The following GPC6 variants were observed in gnomAD, a reference collection of about 807,000 sequenced individuals.
GPC6 encodes the protein glypican 6.
In GPC6, 14 loss-of-function variants were observed where a neutral mutation model predicts 55.2. The observed-to-expected ratio is 0.25, with a 90% CI of 0.17 to 0.40. The LOEUF is 0.40. Among genes scored for constraint, GPC6 ranks in the 10% least tolerant of loss-of-function variants. The pLI, the probability that GPC6 is intolerant of heterozygous loss-of-function variation, is 1.00. For synonymous variants in GPC6, 278 were observed against 259.6 expected (o/e 1.07, Z -0.68); for missense variants, 641 against 708.5 (o/e 0.90, Z 1.08).
intron 2 of GPC6, among the ~76,000 whole-genome samples, chr13:93,740,356 T>C (rs1233314987): frequency 6.6e-6 from 1 of 152,212 alleles, no homozygotes; most frequent in Non-Finnish European, 1.5e-5. Context: ...ATTATTTACT[T>C]TAGAAACATT....
chr13:94,315,305 C>A (rs1258937195), intron 6 of GPC6, among the ~76,000 whole-genome samples: 1 of 152,194 alleles, frequency 6.6e-6, no homozygotes, highest in Non-Finnish European at 1.5e-5. Flanking sequence ...AAACAGTCCC[C>A]AAAATGGCCC....
intron 6 of GPC6, among the ~76,000 whole-genome samples, chr13:94,319,246 A>T (rs148820027): frequency 6.6e-6 from 1 of 152,034 alleles, no homozygotes; most frequent in South Asian, 2.1e-4. Flanking sequence ...TCTTCTAATA[A>T]TTACCCTTGA....
intron 1 of GPC6, among the ~76,000 whole-genome samples, chr13:93,475,984 A>G (rs1879289211): frequency 1.3e-5 from 2 of 151,932 alleles, no homozygotes; most frequent in Non-Finnish European, 2.9e-5. Context: ...ATGAGAGAGT[A>G]TTCCCTGTTC....
At chr13:93,967,940 A>G (rs934425342) in intron 3 of GPC6, among the ~76,000 whole-genome samples, 1 of 152,176 alleles carries the variant, frequency 6.6e-6, no homozygotes, top group African/African-American at 2.4e-5. Context: ...ATAATCTAAT[A>G]GGTAATCCCG....
intron 4 of GPC6, among the ~76,000 whole-genome samples, chr13:94,163,821 G>C (rs1270410105): frequency 6.6e-6 from 1 of 152,060 alleles, no homozygotes; most frequent in Non-Finnish European, 1.5e-5. Flanking sequence ...GCAGGATTTA[G>C]GACACTTGGA....
chr13:93,834,499 G>A lies in GPC6; in HGVS notation c.711+3954G>A, dbSNP rs540099089. ...TTACCTCTGGAGATGCAGTTTGGAG[G>A]TAAGATGAAGGAGGGATACATAGAG... is the stretch of plus-strand genomic sequence containing the variant. On this transcript the variant is annotated intron_variant, in intron 3 of 8. Transcript: ENST00000377047. 8.5e-5 allele frequency among the ~76,000 whole-genome samples: 13 copies of A among 152,274 alleles called. No homozygotes were observed. The South Asian group carries it at 2.5e-3, about 29-fold the overall frequency.
intron 1 of GPC6, among the ~76,000 whole-genome samples, chr13:93,428,054 T>A (rs2147155): frequency 6.6e-6 from 1 of 151,970 alleles, no homozygotes; most frequent in South Asian, 2.1e-4. Context: ...CAAACTCAAT[T>A]AGCTATATTC....
intron 4 of GPC6, among the ~76,000 whole-genome samples, chr13:94,097,241 G>A (rs1885694351): frequency 6.6e-6 from 1 of 152,052 alleles, no homozygotes; most frequent in African/African-American, 2.4e-5. Flanking sequence ...GGTGGCTCAG[G>A]CCTGTAATCC....
intron 3 of GPC6, among the ~76,000 whole-genome samples, chr13:93,946,205 C>T (rs890732601): frequency 9.2e-5 from 14 of 152,198 alleles, no homozygotes; most frequent in African/African-American, 2.9e-4. Flanking sequence ...GTTGTATTTC[C>T]GCTATAGAGA....
At chr13:94,212,310 A>G (rs538100097) in intron 4 of GPC6, among the ~76,000 whole-genome samples, 1 of 152,284 alleles carries the variant, frequency 6.6e-6, no homozygotes, top group East Asian at 1.9e-4. Flanking sequence ...AAAGCAATCA[A>G]CCCCTAGCCA....
intron 1 of GPC6, among the ~76,000 whole-genome samples, chr13:93,294,345 A>G (rs1262819564): frequency 6.6e-6 from 1 of 152,156 alleles, no homozygotes; most frequent in African/African-American, 2.4e-5. Context: ...AATATCTTTG[A>G]TACATGGATT....
At chr13:93,334,485 C>G (rs1879975462) in intron 1 of GPC6, among the ~76,000 whole-genome samples, 6 of 152,216 alleles carry the variant, frequency 3.9e-5, no homozygotes, top group Admixed American at 3.3e-4. Context: ...TTTTTTGAGA[C>G]AGAGTCTCAC....
In GPC6 at chr13:93,919,260, A is replaced by G. The variant is rs573432357; in HGVS notation, c.711+88715A>G. 6.6e-5 allele frequency among the ~76,000 whole-genome samples: 10 copies of G among 152,312 alleles called. No individual in the cohort carries two copies. In the South Asian group the frequency reaches 8.3e-4, roughly 13 times the overall value. On this transcript the variant is annotated intron_variant, in intron 3 of 8. Transcript: ENST00000377047. ...AACCCCTTTGCTTTATAAATTACCC[A>G]GTCTCAGATATTTCTTTATAGCAGC... is the stretch of plus-strand genomic sequence containing the variant.
At chr13:94,128,347 T>C (rs1886894727) in intron 4 of GPC6, among the ~76,000 whole-genome samples, 1 of 152,132 alleles carries the variant, frequency 6.6e-6, no homozygotes, top group Non-Finnish European at 1.5e-5. Context: ...TACTTTTTAA[T>C]AGAGAGCACA....
chr13:93,254,479 G>T (rs1158978136), intron 1 of GPC6, among the ~76,000 whole-genome samples: 2 of 152,126 alleles, frequency 1.3e-5, no homozygotes, highest in African/African-American at 4.8e-5. Flanking sequence ...TAGAACAATT[G>T]TTTCATGAAT....
chr13:94,063,749 T>C (rs914689275), intron 4 of GPC6, among the ~76,000 whole-genome samples: 1 of 152,194 alleles, frequency 6.6e-6, no homozygotes, highest in Non-Finnish European at 1.5e-5. Flanking sequence ...GAGGGGTGAC[T>C]CTGAAATTGT....
chr13:94,344,380 G>C (rs9301953), intron 6 of GPC6, among the ~76,000 whole-genome samples: 47,642 of 152,158 alleles, frequency 0.31, 8,023 homozygotes, highest in East Asian at 0.53. Context: ...ACCAAGGAAG[G>C]AGTCTTCCAC....
chr13:93,387,628 G>T (rs1410014733), intron 1 of GPC6, among the ~76,000 whole-genome samples: 2 of 152,168 alleles, frequency 1.3e-5, no homozygotes, highest in Non-Finnish European at 2.9e-5. Flanking sequence ...TGATTCATAG[G>T]ATTGTCAGAA....
At chr13:93,539,000 A>G (rs779179812) in intron 1 of GPC6, among the ~76,000 whole-genome samples, 2 of 151,736 alleles carry the variant, frequency 1.3e-5, no homozygotes, top group Non-Finnish European at 2.9e-5. Flanking sequence ...ACATATGTAT[A>G]CATGTGCCAT....
Sources: allele counts gnomAD v4.1 joint callset (sites outside exome capture counted in the v4.1 genomes callset), GRCh38; gene constraint gnomAD v4.1.1; transcripts MANE v1.5; gene names NCBI Gene and HGNC (gene_info 2026-07-23, HGNC 2026-07-21).